The following RSPO2 variants were observed in gnomAD, a reference collection of about 807,000 sequenced individuals.
RSPO2 encodes R-spondin 2.
A neutral mutation model predicts 30.9 loss-of-function variants in RSPO2; 14 were observed. The observed-to-expected ratio is 0.45, with a 90% CI of 0.30 to 0.71. The LOEUF (loss-of-function observed/expected upper bound fraction) is 0.71. RSPO2 is among the 30% of genes least tolerant of loss of function. The pLI, the probability that RSPO2 is intolerant of heterozygous loss-of-function variation, is 0.08. For missense variants in RSPO2, 264 were observed against 301.9 expected (o/e 0.87, Z 0.93); for synonymous variants, 107 against 96.4 (o/e 1.11, Z -0.64).
At position 107,913,533 on chromosome 8, in the gene RSPO2, G is replaced by A. The variant is rs1811886202; in HGVS notation, c.617-12343C>T. 2.0e-5 allele frequency among the ~76,000 whole-genome samples: 3 copies of A among 152,120 alleles called. No individual in the cohort carries two copies. In the South Asian group the frequency reaches 6.2e-4, roughly 32 times the overall value. ...AATCTTTGTCAACTACCCAAGTAGA[G>A]GCAATGGATTTCAATTAGGGGAAAA... On this transcript the variant is annotated intron_variant, in intron 5 of 5. Transcript: ENST00000276659.
At chr8:107,983,311 A>T in intron 3 of RSPO2, 1 of 1,606,388 alleles carries the variant, frequency 6.2e-7, no homozygotes, top group Non-Finnish European at 8.5e-7. Flanking sequence ...TAGCCATATG[A>T]AACAGCTCCT....
intron 5 of RSPO2, among the ~76,000 whole-genome samples, chr8:107,912,647 A>G (rs1811859842): frequency 6.6e-6 from 1 of 152,202 alleles, no homozygotes; most frequent in African/African-American, 2.4e-5. Flanking sequence ...CAAAAATTCT[A>G]AAGAGACTAA....
intron 2 of RSPO2, among the ~76,000 whole-genome samples, chr8:108,033,936 T>C (rs1811509408): frequency 6.6e-6 from 1 of 152,226 alleles, no homozygotes; most frequent in Admixed American, 6.5e-5. Flanking sequence ...ATTCTTTGTG[T>C]GCATTTTTCT....
At chr8:107,910,063 T>C (rs1811773003) in intron 5 of RSPO2, among the ~76,000 whole-genome samples, 1 of 152,114 alleles carries the variant, frequency 6.6e-6, no homozygotes, top group African/African-American at 2.4e-5. Flanking sequence ...GCAGAGAAAA[T>C]GATTCAGCTG....
rs534484525 is a variant in RSPO2, at chr8:107,978,843, AAAC to A, written c.283+10210_283+10212del. ...TCAAACAAATTTACCAGAAAAAAAC[AAAC>A]AACCCCATCAAAAAGTGGGCAAAGG... On this transcript the variant is annotated intron_variant, in intron 3 of 5. Coordinates refer to ENST00000276659, the MANE Select transcript of RSPO2 (RefSeq NM_178565.5). Among the ~76,000 whole-genome samples the A allele has an allele frequency of 2.2e-4, 34 of 152,362 alleles. 1 individual carries two copies. The highest frequency in any genetic ancestry group is 8.2e-4 in the African/African-American group (34 of 41,586).
chr8:107,957,266 C>A (rs1004283596), intron 5 of RSPO2, among the ~76,000 whole-genome samples: 5 of 152,152 alleles, frequency 3.3e-5, no homozygotes, highest in South Asian at 2.1e-4. Flanking sequence ...TTTCCAAACA[C>A]AACTTTCTTT....
chr8:108,065,544 A>G (rs931453921), intron 2 of RSPO2, among the ~76,000 whole-genome samples: 1 of 152,112 alleles, frequency 6.6e-6, no homozygotes, highest in African/African-American at 2.4e-5. Context: ...TCAACAGGTC[A>G]TACAAAAACT....
At chr8:108,058,512 G>A (rs1812334137) in intron 2 of RSPO2, among the ~76,000 whole-genome samples, 1 of 152,050 alleles carries the variant, frequency 6.6e-6, no homozygotes, top group South Asian at 2.1e-4. Context: ...AAGTTCATAT[G>A]GAACCAAAAA....
chr8:108,050,312 G>A (rs549381300), intron 2 of RSPO2, among the ~76,000 whole-genome samples: 21 of 152,170 alleles, frequency 1.4e-4, no homozygotes, highest in African/African-American at 2.9e-4. Flanking sequence ...GGTATGGATC[G>A]GTTAATTATA....
In RSPO2 at chr8:107,989,144, T is replaced by C. The variant is rs1814758721; in HGVS notation, c.195A>G (p.Arg65=). The C allele has an allele frequency of 6.2e-7, 1 of 1,612,550 alleles. No individual in the cohort carries two copies. Among genetic ancestry groups the C allele is most frequent in the East Asian group, 2.2e-5 (1 of 44,830 alleles). ...CQQKLFFFLR[R]EGMRQYGECL... Reference sequence around the variant, plus strand: ...ACTCTCCATACTGGCGCATCCCTTCTCTTCGAAGGAAGAAGAACAACTTCT... The same window carrying C: ...ACTCTCCATACTGGCGCATCCCTTCCCTTCGAAGGAAGAAGAACAACTTCT... The change falls in exon 3 of 6, where the codon AGA becomes AGG. Residue 65 remains arginine, a synonymous_variant. Coordinates refer to ENST00000276659, the MANE Select transcript of RSPO2 (RefSeq NM_178565.5).
At chr8:108,081,834 G>C (rs1813208170) in intron 2 of RSPO2, 1 of 894,362 alleles carries the variant, frequency 1.1e-6, no homozygotes, top group Admixed American at 6.2e-5. Context: ...AGCAAATGGA[G>C]AGAGCGAAGT....
chr8:107,973,210 C>G (rs914681080), intron 3 of RSPO2, among the ~76,000 whole-genome samples: 2 of 151,266 alleles, frequency 1.3e-5, no homozygotes, highest in Non-Finnish European at 2.9e-5. Flanking sequence ...GCAGAGTTTG[C>G]AGTGAGCCGA....
At chr8:108,030,119 G>GAAAAAAAAAAA (rs11434221) in intron 2 of RSPO2, among the ~76,000 whole-genome samples, 2 of 70,970 alleles carry the variant, frequency 2.8e-5, no homozygotes. Flanking sequence ...GGATAGATAG[G>GAAAAAAAAAAA]AAAAAAAAAA....
intron 2 of RSPO2, among the ~76,000 whole-genome samples, chr8:108,049,044 T>C (rs1426731576): frequency 6.6e-6 from 1 of 151,902 alleles, no homozygotes; most frequent in Non-Finnish European, 1.5e-5. Flanking sequence ...CAGTTTGTTG[T>C]GATTTCTGTT....
In RSPO2 at chr8:107,973,600, G is replaced by A. The variant is rs80275566; in HGVS notation, c.284-12783C>T. The stretch of plus-strand genomic sequence containing the variant: ...AAAAAAAAGAAAACTGCCTCCCGTT[G>A]TTCTAAAACAGCCATAATTTCACAT... On this transcript the variant is annotated intron_variant, in intron 3 of 5. Coordinates refer to ENST00000276659, the MANE Select transcript of RSPO2 (RefSeq NM_178565.5). Among the ~76,000 whole-genome samples, 893 of 151,746 alleles carry A rather than the reference G, an allele frequency of 5.9e-3. 9 individuals are homozygous for A. The highest frequency in any genetic ancestry group is 0.021 in the African/African-American group (857 of 41,382).
At chr8:108,043,104 C>G (rs1242779984) in intron 2 of RSPO2, among the ~76,000 whole-genome samples, 2 of 152,024 alleles carry the variant, frequency 1.3e-5, no homozygotes, top group African/African-American at 2.4e-5. Context: ...GGCTGTGAAA[C>G]TGCAAACAGC....
rs566509322 is a variant in RSPO2, at chr8:108,058,861, G to A, written c.94+23684C>T. Among the ~76,000 whole-genome samples, 918 of 150,788 alleles carry A rather than the reference G, an allele frequency of 6.1e-3. 10 individuals carry two copies. The highest frequency in any genetic ancestry group is 0.022 in the African/African-American group (884 of 40,206). On this transcript the variant is annotated intron_variant, in intron 2 of 5. Transcript: ENST00000276659. ...TAAAAATTAATTCAAGATGGATTAA[G>A]TACTTAAACATTAGACCTAAAACCA...
intron 2 of RSPO2, among the ~76,000 whole-genome samples, chr8:108,063,396 AAG>A (rs1299288561): frequency 6.6e-6 from 1 of 151,746 alleles, no homozygotes; most frequent in Non-Finnish European, 1.5e-5. Flanking sequence ...AACAGACAAA[AAG>A]AGAGCCAAAT....
chr8:108,000,559 C>T (rs190675055), intron 2 of RSPO2, among the ~76,000 whole-genome samples: 1 of 151,798 alleles, frequency 6.6e-6, no homozygotes, highest in Non-Finnish European at 1.5e-5. Flanking sequence ...TTTTTTAAAT[C>T]ATAGGCTTAG....
Sources: gnomAD v4.1 joint callset for allele counts (sites outside exome capture counted in the v4.1 genomes callset) on GRCh38, gnomAD v4.1.1 for gene constraint, MANE v1.5 for transcripts, NCBI Gene and HGNC (gene_info 2026-07-23, HGNC 2026-07-21) for gene names.